The following MIB1 variants were observed in gnomAD, a reference collection of about 807,000 sequenced individuals.
MIB1 encodes E3 ubiquitin-protein ligase MIB1.
A neutral mutation model predicts 124.5 loss-of-function variants in MIB1; 278 were observed. The ratio of observed to expected loss-of-function variants is 2.23; its 90% CI spans 2.02 to 2.47. The LOEUF is 2.47. MIB1 is among the 30% of genes most tolerant of loss of function. The pLI, the probability that MIB1 is intolerant of heterozygous loss-of-function variation, is 0.00. For missense variants in MIB1, 957 were observed against 1,254.4 expected (o/e 0.76, Z 3.58); for synonymous variants, 446 against 429.4 (o/e 1.04, Z -0.48).
chr18:21,752,020 A>G (rs989806710), intron 1 of MIB1, among the ~76,000 whole-genome samples: 26 of 152,186 alleles, frequency 1.7e-4, no homozygotes, highest in African/African-American at 6.3e-4. Context: ...AGTTTATTAT[A>G]TATAATTATA....
intron 11 of MIB1, among the ~76,000 whole-genome samples, chr18:21,818,082 T>G (rs997798794): frequency 1.3e-5 from 2 of 152,238 alleles, no homozygotes; most frequent in Admixed American, 1.3e-4. Context: ...AATTTTAATT[T>G]ACAATTGTTT....
chr18:21,813,365 A>G (rs1029936076), intron 10 of MIB1, among the ~76,000 whole-genome samples: 1 of 152,142 alleles, frequency 6.6e-6, no homozygotes, highest in African/African-American at 2.4e-5. Flanking sequence ...GTTTTTTAAA[A>G]CACTTGTTTT....
Position 21,849,213 on chromosome 18 carries a change from G to A in MIB1, c.2411G>A (p.Arg804Gln), listed in dbSNP as rs200809199. The change falls in exon 17 of 21, where the codon CGG (arginine) becomes CAG (glutamine). Residue 804 changes from arginine (R) to glutamine (Q), a missense_variant. Arg to Gln is a conservative substitution (Grantham distance 43, BLOSUM62 1). Coordinates refer to ENST00000261537, the MANE Select transcript of MIB1 (RefSeq NM_020774.4). ...KEKVSGQVGS[R>Q]SPSMISNDSE... is the part of the protein sequence containing the mutation. ...TTTATTAGTGGTCAAGTGGGTTCTCGGAGTCCTTCTATGATTAGTAATGAT... is the reference window on the plus strand; with the variant it reads ...TTTATTAGTGGTCAAGTGGGTTCTCAGAGTCCTTCTATGATTAGTAATGAT... 646 of 1,560,828 alleles carry A rather than the reference G, an allele frequency of 4.1e-4. 1 individual carries two copies. The highest frequency in any genetic ancestry group is 5.2e-4 in the Non-Finnish European group (597 of 1,155,004).
intron 2 of MIB1, among the ~76,000 whole-genome samples, chr18:21,768,212 C>T (rs1159699506): frequency 1.3e-5 from 2 of 152,182 alleles, no homozygotes; most frequent in African/African-American, 4.8e-5. Flanking sequence ...CCCAGATACC[C>T]TGAAATGCTT....
At chr18:21,770,600 A>G (rs567738083) in intron 3 of MIB1, among the ~76,000 whole-genome samples, 11 of 152,276 alleles carry the variant, frequency 7.2e-5, no homozygotes, top group Admixed American at 1.3e-4. Flanking sequence ...GATTACAGGC[A>G]TGAGCCACCG....
chr18:21,828,263 T>C (rs2041945202), intron 12 of MIB1: 1 of 151,974 alleles, frequency 6.6e-6, no homozygotes, highest in Non-Finnish European at 1.5e-5. Flanking sequence ...CTTTTAAATA[T>C]TTGGTAGTCT....
chr18:21,850,163 T>C (rs1713194827), intron 17 of MIB1, among the ~76,000 whole-genome samples: 1 of 152,182 alleles, frequency 6.6e-6, no homozygotes, highest in South Asian at 2.1e-4. Context: ...TGCTTTATTA[T>C]AACTGTACCA....
chr18:21,768,663 GC>G lies in MIB1; in HGVS notation c.444del (p.Arg149GlufsTer30). 1 of 1,599,492 alleles carries G rather than the reference GC, an allele frequency of 6.3e-7. No homozygotes were observed. The highest frequency in any genetic ancestry group is 8.5e-7 in the Non-Finnish European group (1 of 1,172,058). ...TCGTAGGAAATCTAAGAAGATTACA[GC>G]CAGAGGAATCTTTGCAGGTGCCAGA... Reference protein sequence around the residue: ...ESRRKSKKITARGIFAGARVV... With the variant: ...ESRRKSKKITXRGIFAGARVV... On this transcript the variant is annotated frameshift_variant, in exon 3 of 21. Transcript: ENST00000261537. LOFTEE classifies it high-confidence loss of function.
intron 1 of MIB1, chr18:21,724,057 C>T (rs1224969298): frequency 6.6e-6 from 1 of 152,156 alleles, no homozygotes; most frequent in Admixed American, 6.6e-5. Flanking sequence ...AGGAATTAAA[C>T]CTCTTAGCAA....
At chr18:21,791,617 A>C (rs548757252) in intron 7 of MIB1, 60 bp downstream of exon 7, 4 of 1,341,158 alleles carry the variant, frequency 3.0e-6, no homozygotes, top group African/African-American at 2.9e-5. Flanking sequence ...TCATTTTTAA[A>C]AGTAAATTAA....
Position 21,705,247 on chromosome 18 carries a change from C to A in MIB1, n.167+124C>A, listed in dbSNP as rs1321888763. On this transcript the variant is annotated intron_variant and non_coding_transcript_variant, in intron 1 of 20. Coordinates refer to the MIB1 transcript ENST00000578646. The stretch of plus-strand genomic sequence containing the variant: ...AGACTATGGAAAGAGAAAAAATATT[C>A]TATGAGCATTCAACAGTGAGGACAT... 4 of 152,238 alleles carry A rather than the reference C, an allele frequency of 2.6e-5. No homozygotes were observed. In the East Asian group the frequency reaches 7.7e-4, roughly 29 times the overall value. The allele number at this position is 152,238 out of a possible 1,614,324, so 9.4% of individuals were successfully genotyped here. A position where few individuals can be genotyped will look rare whatever the true frequency, so the allele number is the denominator to read the frequency against.
chr18:21,786,755 T>TA (rs2041440343), intron 6 of MIB1, among the ~76,000 whole-genome samples: 1 of 152,252 alleles, frequency 6.6e-6, no homozygotes, highest in Non-Finnish European at 1.5e-5. Flanking sequence ...TTTCAACAGA[T>TA]ACATTTCTCA....
chr18:21,858,544 A>C lies in MIB1; in HGVS notation c.2780-2A>C. 1.4e-6 allele frequency: 2 copies of C among 1,391,336 alleles called. No homozygotes were observed. Among genetic ancestry groups the C allele is most frequent in the Non-Finnish European group, 2.0e-6 (2 of 982,830 alleles). 86.2% of individuals were successfully genotyped at this position (1,391,336 alleles called of 1,614,324 possible). On this transcript the variant is annotated splice_acceptor_variant, in intron 19 of 20. Transcript: ENST00000261537. LOFTEE classifies it high-confidence loss of function. ...GAAAATCTTTTTAAATCTATATTAT[A>C]GCAAGTGGGAATATTCCAGTATTAC... is the stretch of plus-strand genomic sequence containing the variant.
chr18:21,748,977 A>G (rs984810779), intron 1 of MIB1, among the ~76,000 whole-genome samples: 4 of 151,794 alleles, frequency 2.6e-5, no homozygotes, highest in Non-Finnish European at 4.4e-5. Context: ...CTTGGCCTCA[A>G]GTGATCCTTC....
intron 1 of MIB1, among the ~76,000 whole-genome samples, chr18:21,762,894 T>C (rs908846631): frequency 6.6e-6 from 1 of 152,162 alleles, no homozygotes; most frequent in Admixed American, 6.5e-5. Context: ...TCTGTATAAG[T>C]ATTGCAAAAT....
At chr18:21,766,139 G>C (rs1172868582) in intron 2 of MIB1, among the ~76,000 whole-genome samples, 196 bp downstream of exon 2, 1 of 152,220 alleles carries the variant, frequency 6.6e-6, no homozygotes, top group Non-Finnish European at 1.5e-5. Flanking sequence ...GGAGCTGTCT[G>C]TACTTTTCCA....
At position 21,868,554 on chromosome 18, in the gene MIB1, A is replaced by T. The variant is rs1395369161; in HGVS notation, c.*3888A>T. 6.6e-6 allele frequency: 1 copy of T among 152,408 alleles called. No homozygotes were observed. The highest frequency in any genetic ancestry group is 1.5e-5 in the Non-Finnish European group (1 of 67,882). The allele number at this position is 152,408 out of a possible 1,614,324, so 9.4% of individuals were successfully genotyped here. A position where few individuals can be genotyped will look rare whatever the true frequency, so the allele number is the denominator to read the frequency against. On this transcript the variant is annotated 3_prime_UTR_variant, in exon 21 of 21. Coordinates refer to ENST00000261537, the MANE Select transcript of MIB1 (RefSeq NM_020774.4). ...AATTAGATTAGCTTTGAGTTTGTAC[A>T]ATTGGGAACATAATAGATTTTCATA... is the stretch of plus-strand genomic sequence containing the variant.
chr18:21,843,981 T>C (rs1490334839), intron 14 of MIB1, 111 bp from the exon 15 acceptor site: 16 of 973,730 alleles, frequency 1.6e-5, no homozygotes, highest in Admixed American at 2.5e-5. Context: ...TGATTAGCTT[T>C]AGTGGTAACT....
intron 2 of MIB1, among the ~76,000 whole-genome samples, chr18:21,768,067 C>CCTGTTAT (rs2041183867): frequency 6.6e-6 from 1 of 152,148 alleles, no homozygotes; most frequent in African/African-American, 2.4e-5. Context: ...CCTGCCATTT[C>CCTGTTAT]CTGTTATCTT....
Sources: allele counts gnomAD v4.1 joint callset (sites outside exome capture counted in the v4.1 genomes callset), GRCh38; gene constraint gnomAD v4.1.1; transcripts MANE v1.5; gene names NCBI Gene and HGNC (gene_info 2026-07-23, HGNC 2026-07-21).